Variants in DNM2 observed in about 807,000 individuals in gnomAD.
DNM2 encodes dynamin 2.
In DNM2, 15 loss-of-function variants were observed where a neutral mutation model predicts 99.0. That is an observed-to-expected ratio of 0.15 (90% confidence interval 0.10 to 0.23). The LOEUF is 0.23. Among genes scored for constraint, DNM2 ranks in the 10% least tolerant of loss-of-function variants. DNM2 has a pLI of 1.00. For synonymous variants in DNM2, 525 were observed against 481.2 expected (o/e 1.09, Z -1.19); for missense variants, 742 against 1,189.4 (o/e 0.62, Z 5.53).
intron 5 of DNM2, among the ~76,000 whole-genome samples, chr19:10,778,019 T>TTTA (rs1555706616): frequency 7.2e-6 from 1 of 138,176 alleles, no homozygotes; most frequent in Non-Finnish European, 1.5e-5. Context: ...TATTTTTTCA[T>TTTA]TTTATTTATT....
chr19:10,722,878 C>T, intron 1 of DNM2, among the ~76,000 whole-genome samples: 1 of 152,040 alleles, frequency 6.6e-6, no homozygotes, highest in East Asian at 1.9e-4. Context: ...CCTCCTGCAT[C>T]AGTCTCCCAA....
At chr19:10,783,356 A>G (rs148820098) in intron 6 of DNM2, among the ~76,000 whole-genome samples, 70 of 152,314 alleles carry the variant, frequency 4.6e-4, no homozygotes, top group Non-Finnish European at 8.4e-4. Context: ...AGTCCCAGGT[A>G]CTCAGGAGGC....
At chr19:10,779,302 C>G (rs559051570) in intron 5 of DNM2, among the ~76,000 whole-genome samples, 10 of 151,518 alleles carry the variant, frequency 6.6e-5, no homozygotes, top group African/African-American at 2.2e-4. Flanking sequence ...GAGGGAGATA[C>G]AGAGATTTCC....
At chr19:10,740,657 G>A (rs1471706415) in intron 1 of DNM2, among the ~76,000 whole-genome samples, 6 of 152,210 alleles carry the variant, frequency 3.9e-5, no homozygotes, top group South Asian at 2.1e-4. Flanking sequence ...GATTACAGGC[G>A]TAAGCCACCG....
rs184373023 is a variant in DNM2, at chr19:10,743,606, C to G, written c.162-16132C>G. The stretch of plus-strand genomic sequence containing the variant: ...CAGGTGGATCACAAGGTCAGGAGAT[C>G]GAGACCATCCTGGCTAATATGGTAA... On this transcript the variant is annotated intron_variant, in intron 1 of 20. Transcript: ENST00000389253. Among the ~76,000 whole-genome samples the G allele has an allele frequency of 2.3e-3, 356 of 151,616 alleles. 3 individuals are homozygous for G. Among genetic ancestry groups the G allele is most frequent in the African/African-American group, 7.6e-3 (316 of 41,332 alleles).
rs1339907634 is a variant in DNM2, at chr19:10,796,590, C to T, written c.1197-790C>T. Among the ~76,000 whole-genome samples the T allele has an allele frequency of 6.6e-6, 1 of 152,172 alleles. No individual in the cohort carries two copies. The highest frequency in any genetic ancestry group is 1.5e-5 in the Non-Finnish European group (1 of 68,014). ...CTCCCTGGCTGTCACCCCTTCTTGACCAATGCCCGGCATTCTCAGACTTCC... is the reference window on the plus strand; with the variant it reads ...CTCCCTGGCTGTCACCCCTTCTTGATCAATGCCCGGCATTCTCAGACTTCC... On this transcript the variant is annotated intron_variant, in intron 9 of 20. Coordinates refer to ENST00000389253, the MANE Select transcript of DNM2 (RefSeq NM_001005361.3). The surrounding 1 kb of genome is among the most constrained non-coding windows in gnomAD (Gnocchi z 5.6).
intron 1 of DNM2, among the ~76,000 whole-genome samples, chr19:10,725,593 C>T (rs2069088558): frequency 6.6e-6 from 1 of 152,090 alleles, no homozygotes; most frequent in Admixed American, 6.6e-5. Flanking sequence ...AAAAAGTGAC[C>T]TCACTTCTCT....
intron 1 of DNM2, 105 bp downstream of exon 1, chr19:10,718,508 T>G: frequency 8.0e-7 from 1 of 1,251,610 alleles, no homozygotes; most frequent in Non-Finnish European, 1.0e-6. Context: ...GGCGCTTGCG[T>G]GCCCGCGGCG....
At chr19:10,790,715 A>C (rs1345287646) in intron 7 of DNM2, among the ~76,000 whole-genome samples, 1 of 152,022 alleles carries the variant, frequency 6.6e-6, no homozygotes, top group Non-Finnish European at 1.5e-5. Context: ...TGATCTGCCC[A>C]CCTCGGCCTC....
At chr19:10,733,198 T>G (rs1057210578) in intron 1 of DNM2, among the ~76,000 whole-genome samples, 2 of 149,732 alleles carry the variant, frequency 1.3e-5, no homozygotes, top group African/African-American at 4.9e-5. Flanking sequence ...GTGGTTTTTT[T>G]TTTTTTTTTT....
rs1599600756 is a variant in DNM2 at position 10,811,303 on chromosome 19, T to G, written c.1558-961T>G. Reference sequence around the variant, plus strand: ...TTCAGAATGTCAGGCCCGGGGTGGGTCGGGGTAGTCCGGATGAAGCCCCTC... The same window carrying G: ...TTCAGAATGTCAGGCCCGGGGTGGGGCGGGGTAGTCCGGATGAAGCCCCTC... On this transcript the variant is annotated intron_variant, in intron 14 of 20. Transcript: ENST00000389253. This position sits in a 1 kb window ranked among gnomAD's most constrained non-coding sequence, Gnocchi z 5.4. 5 of 187,260 alleles carry G rather than the reference T, an allele frequency of 2.7e-5. No homozygotes were observed. Among genetic ancestry groups the G allele is most frequent in the South Asian group, 1.7e-4 (2 of 11,718 alleles). 11.6% of individuals were successfully genotyped at this position (187,260 alleles called of 1,614,324 possible).
At chr19:10,793,615 T>C in intron 7 of DNM2, 105 bp from the exon 8 acceptor site, 1 of 1,604,520 alleles carries the variant, frequency 6.2e-7, no homozygotes. Context: ...ATTTTGCTGC[T>C]GAAAAATGGT....
chr19:10,799,534 G>GTTT lies in DNM2; in HGVS notation c.1422+977_1422+979dup, dbSNP rs897961120. 7.2e-3 allele frequency among the ~76,000 whole-genome samples: 762 copies of GTTT among 106,472 alleles called. 14 individuals are homozygous for GTTT. The highest frequency in any genetic ancestry group is 0.027 in the African/African-American group (727 of 26,966). 69.8% of individuals were successfully genotyped at this position (106,472 alleles called of 152,430 possible). The stretch of plus-strand genomic sequence containing the variant: ...GGTGCTTTTTGTGTTGTGGTTTTTT[G>GTTT]TTTTTTTTTTTTTTTTTGAGACAGA... On this transcript the variant is annotated intron_variant, in intron 11 of 20. Coordinates refer to ENST00000389253, the MANE Select transcript of DNM2 (RefSeq NM_001005361.3).
intron 13 of DNM2, among the ~76,000 whole-genome samples, chr19:10,808,363 G>T (rs913673455): frequency 6.6e-6 from 1 of 152,066 alleles, no homozygotes; most frequent in East Asian, 1.9e-4. Flanking sequence ...TGTTTCTTGA[G>T]ATAATAATGA....
rs1015407196 is a variant in DNM2, at chr19:10,796,782, C to T, written c.1197-598C>T. Among the ~76,000 whole-genome samples the T allele has an allele frequency of 5.9e-5, 9 of 152,034 alleles. No homozygotes were observed. Among genetic ancestry groups the T allele is most frequent in the African/African-American group, 1.7e-4 (7 of 41,380 alleles). ...TCCACTTAGTCACAGTGCCTCTATG[C>T]GCTCTCGACGAGCCACTGCCTCCAC... On this transcript the variant is annotated intron_variant, in intron 9 of 20. Coordinates refer to ENST00000389253, the MANE Select transcript of DNM2 (RefSeq NM_001005361.3). The surrounding 1 kb of genome is among the most constrained non-coding windows in gnomAD (Gnocchi z 5.6).
intron 5 of DNM2, among the ~76,000 whole-genome samples, chr19:10,778,368 C>T (rs758342887): frequency 6.6e-6 from 1 of 151,956 alleles, no homozygotes; most frequent in Non-Finnish European, 1.5e-5. Context: ...ATCCTAGGCA[C>T]TGGCTGGGCG....
intron 1 of DNM2, among the ~76,000 whole-genome samples, chr19:10,739,222 G>C (rs1261176774): frequency 1.3e-5 from 2 of 152,192 alleles, no homozygotes. Context: ...GTTCTTCTAT[G>C]GGGACATGGG....
chr19:10,744,381 T>TC (rs1451822960), intron 1 of DNM2, among the ~76,000 whole-genome samples: 1 of 152,014 alleles, frequency 6.6e-6, no homozygotes, highest in Non-Finnish European at 1.5e-5. Flanking sequence ...CAAGAACGGG[T>TC]CCGGGCTGTT....
At chr19:10,737,630 C>T (rs142708289) in intron 1 of DNM2, among the ~76,000 whole-genome samples, 11 of 152,198 alleles carry the variant, frequency 7.2e-5, no homozygotes, top group Admixed American at 3.3e-4. Context: ...GGATTACAGG[C>T]GCACGTCAAC....
Sources: gnomAD v4.1 joint callset for allele counts (sites outside exome capture counted in the v4.1 genomes callset) on GRCh38, gnomAD v4.1.1 for gene constraint, Gnocchi (gnomAD v3.1) non-coding constraint, MANE v1.5 for transcripts, NCBI Gene and HGNC (gene_info 2026-07-23, HGNC 2026-07-21) for gene names.